TCAF2: variants seen among roughly 807,000 people sequenced by gnomAD.
The protein encoded by TCAF2 is TRPM8 channel associated factor 2, also known as TRPM8 channel-associated factor 2.
TCAF2 carries 6 observed loss-of-function variants against 33.9 expected under a neutral mutation model. The ratio of observed to expected loss-of-function variants is 0.18; its 90% CI spans 0.10 to 0.35. TCAF2 has a LOEUF of 0.35. Ranked by LOEUF, TCAF2 falls within the 10% of genes least tolerant of loss-of-function variation. The probability of loss-of-function intolerance (pLI) is 1.00; values close to 1 mark genes in which losing one functional copy is unlikely to be tolerated. For missense variants in TCAF2, 109 were observed against 604.0 expected, an observed-to-expected ratio of 0.18 and a Z score of 8.59; for synonymous variants, 41 against 247.8, an observed-to-expected ratio of 0.17 and a Z score of 7.84.
At chr7:143,634,932 G>A (rs1354475508) in intron 1 of TCAF2, among the ~76,000 whole-genome samples, 2 of 136,204 alleles carry the variant, frequency 1.5e-5, no homozygotes, top group Non-Finnish European at 3.1e-5. Context: ...AGTGTTGGGG[G>A]CTGCAGGTCT....
intron 1 of TCAF2, among the ~76,000 whole-genome samples, chr7:143,701,566 A>T (rs1026324116): frequency 3.0e-5 from 1 of 33,210 alleles, no homozygotes; most frequent in Non-Finnish European, 5.9e-5. Flanking sequence ...GGCTCGTCAG[A>T]GACGCGCAAA....
chr7:143,729,191 A>T lies in TCAF2; in HGVS notation c.*1524A>T, dbSNP rs1437833966. ...GTGAGTGATTTAATGTTATCTTCCCAGCAGACCTCTGAGGTAGGTACTAGT... is the reference window on the plus strand; with the variant it reads ...GTGAGTGATTTAATGTTATCTTCCCTGCAGACCTCTGAGGTAGGTACTAGT... On this transcript the variant is annotated 3_prime_UTR_variant, in exon 8 of 8. Coordinates refer to ENST00000684770, the MANE Select transcript of TCAF2 (RefSeq NM_001363538.2). 6.6e-6 allele frequency: 1 copy of T among 152,154 alleles called. No individual in the cohort carries two copies. Among genetic ancestry groups the T allele is most frequent in the African/African-American group, 2.4e-5 (1 of 41,438 alleles). The allele number at this position is 152,154 out of a possible 1,614,324, so 9.4% of individuals were successfully genotyped here. A position where few individuals can be genotyped will look rare whatever the true frequency, so the allele number is the denominator to read the frequency against.
intron 1 of TCAF2, among the ~76,000 whole-genome samples, chr7:143,648,489 C>T (rs1267487039): frequency 5.0e-5 from 7 of 140,498 alleles, no homozygotes; most frequent in Admixed American, 3.2e-4. Context: ...ATGAATTTCT[C>T]GATCTAACTT....
At chr7:143,725,625 T>C (rs1809661900) in intron 7 of TCAF2, among the ~76,000 whole-genome samples, 1 of 130,754 alleles carries the variant, frequency 7.6e-6, no homozygotes, top group Admixed American at 8.4e-5. Context: ...GAAGAGTGAA[T>C]GTGAGACAGT....
At chr7:143,718,520 A>C (rs1809404719) in intron 2 of TCAF2, among the ~76,000 whole-genome samples, 1 of 152,002 alleles carries the variant, frequency 6.6e-6, no homozygotes, top group Non-Finnish European at 1.5e-5. Context: ...ATTTATTTTA[A>C]TCACTATATG....
rs1329528338 is a variant in TCAF2, at chr7:143,701,872, T to C, written c.-11-1112T>C. Among the ~76,000 whole-genome samples the C allele has an allele frequency of 2.1e-4, 19 of 90,356 alleles. No individual in the cohort carries two copies. The East Asian group carries it at 5.0e-3, about 24-fold the overall frequency. The allele number at this position is 90,356 out of a possible 152,430, so 59.3% of individuals were successfully genotyped here. ...TTCTCTCGCACAGGCTAGAGTCCAC[T>C]GGTGCGATATCGGCTCACTGCAACC... On this transcript the variant is annotated intron_variant, in intron 1 of 7. Transcript: ENST00000684770.
At chr7:143,725,101 CTGAG>C (rs1809647588) in intron 7 of TCAF2, 1 of 183,032 alleles carries the variant, frequency 5.5e-6, no homozygotes, top group Non-Finnish European at 9.9e-6. Flanking sequence ...TTTATTTCAC[CTGAG>C]TTTTATGAGT....
intron 1 of TCAF2, among the ~76,000 whole-genome samples, chr7:143,702,068 G>A (rs1215001214): frequency 1.4e-4 from 3 of 21,530 alleles, no homozygotes; most frequent in East Asian, 8.1e-4. Context: ...GTGATCCACC[G>A]GCCTCGGCCT....
chr7:143,701,766 A>AC (rs1487516225), intron 1 of TCAF2, among the ~76,000 whole-genome samples: 6 of 16,082 alleles, frequency 3.7e-4, no homozygotes, highest in Admixed American at 6.2e-4. Flanking sequence ...ATTTTACTTT[A>AC]TTTTATTTTA....
rs530770456 is a variant in TCAF2, at chr7:143,724,590, G to C, written c.2398G>C (p.Glu800Gln). 6.2e-7 allele frequency: 1 copy of C among 1,610,868 alleles called. No individual in the cohort carries two copies. The highest frequency in any genetic ancestry group is 8.5e-7 in the Non-Finnish European group (1 of 1,179,584). The change falls in exon 7 of 8, where the codon GAG (glutamate) becomes CAG (glutamine). Residue 800 changes from glutamate (E) to glutamine (Q), a missense_variant. Transcript: ENST00000684770. ...GGGGATCCCCAGGGCTCAGGCCCAC[G>C]AGGCTCTGAGCCCTCCAGAGCGAGA... ...VLGIPRAQAH[E>Q]ALSPPERERR...
Position 143,729,608 on chromosome 7 carries a change from TTTTCA to T in TCAF2, c.*1945_*1949del, listed in dbSNP as rs2116542638. The T allele has an allele frequency of 6.6e-6, 1 of 152,274 alleles. No homozygotes were observed. Among genetic ancestry groups the T allele is most frequent in the African/African-American group, 2.4e-5 (1 of 41,546 alleles). 9.4% of individuals were successfully genotyped at this position (152,274 alleles called of 1,614,324 possible). On this transcript the variant is annotated 3_prime_UTR_variant, in exon 8 of 8. Transcript: ENST00000684770. Reference sequence around the variant, plus strand: ...CTCCAGAACTGATGTTCTTTTTTTTTTTTCATTTAAGTTCTGGGATACATGTGCAG... The same window carrying T: ...CTCCAGAACTGATGTTCTTTTTTTTTTTTAAGTTCTGGGATACATGTGCAG...
intron 7 of TCAF2, among the ~76,000 whole-genome samples, chr7:143,725,523 C>T (rs554250813): frequency 2.0e-5 from 3 of 151,224 alleles, no homozygotes; most frequent in African/African-American, 7.3e-5. Context: ...AAGTGAAGGA[C>T]CTAGAACTTA....
intron 2 of TCAF2, 84 bp from the exon 3 acceptor site, chr7:143,719,599 G>A (rs1809454036): frequency 3.2e-6 from 2 of 625,298 alleles, no homozygotes; most frequent in East Asian, 2.8e-5. Flanking sequence ...CTTCTTACCT[G>A]CACATAGATT....
chr7:143,724,985 CTG>C (rs1809642735), intron 7 of TCAF2: 1 of 724,806 alleles, frequency 1.4e-6, no homozygotes, highest in African/African-American at 2.3e-5. Context: ...GGCAGAAACT[CTG>C]TTAGACATTC....
At position 143,728,918 on chromosome 7, in the gene TCAF2, C is replaced by A. The variant is rs1809748359; in HGVS notation, c.*1251C>A. 1.3e-5 allele frequency: 2 copies of A among 152,130 alleles called. No individual in the cohort carries two copies. The highest frequency in any genetic ancestry group is 1.3e-4 in the Admixed American group (2 of 15,280). The allele number at this position is 152,130 out of a possible 1,614,324, so 9.4% of individuals were successfully genotyped here. On this transcript the variant is annotated 3_prime_UTR_variant, in exon 8 of 8. Coordinates refer to ENST00000684770, the MANE Select transcript of TCAF2 (RefSeq NM_001363538.2). ...TTTGTTTTGAATATCATTCCTTAGG[C>A]TATGTTGAGAGTAGAGTGGCTTCCC...
chr7:143,621,056 G>A lies in TCAF2; in HGVS notation c.-12+36G>A, dbSNP rs757151900. The A allele has an allele frequency of 1.3e-5, 2 of 158,198 alleles. 1 individual carries two copies. The highest frequency in any genetic ancestry group is 8.7e-5 in the South Asian group (2 of 22,928). The allele number at this position is 158,198 out of a possible 1,614,324, so 9.8% of individuals were successfully genotyped here. A position where few individuals can be genotyped will look rare whatever the true frequency, so the allele number is the denominator to read the frequency against. On this transcript the variant is annotated intron_variant, in intron 1 of 7. Transcript: ENST00000684770. ...CAATCCCAGCGGGTCCTGGGGTGGG[G>A]GCGGTAGCTGAGCACCTAGGGCACT...
intron 1 of TCAF2, among the ~76,000 whole-genome samples, chr7:143,649,330 C>G: frequency 1.2e-5 from 1 of 86,188 alleles, no homozygotes; most frequent in Non-Finnish European, 2.5e-5. Context: ...TGTTGGAACT[C>G]AAGATATTTT....
intron 7 of TCAF2, 109 bp downstream of exon 7, chr7:143,724,806 T>C: frequency 6.4e-7 from 1 of 1,571,124 alleles, no homozygotes; most frequent in Non-Finnish European, 8.6e-7. Context: ...AGCCTGGACC[T>C]CCACCTCCCC....
rs549355351 is a variant in TCAF2 at position 143,729,641 on chromosome 7, C to T, written c.*1974C>T. On this transcript the variant is annotated 3_prime_UTR_variant, in exon 8 of 8. Transcript: ENST00000684770. ...TAAGTTCTGGGATACATGTGCAGAA[C>T]GTGCAGGTTTGTTACATAGGTATAC... 1.3e-5 allele frequency: 2 copies of T among 151,698 alleles called. No homozygotes were observed. The highest frequency in any genetic ancestry group is 4.8e-5 in the African/African-American group (2 of 41,300). The allele number at this position is 151,698 out of a possible 1,614,324, so 9.4% of individuals were successfully genotyped here.
Sources: allele counts gnomAD v4.1 joint callset (sites outside exome capture counted in the v4.1 genomes callset), GRCh38; gene constraint gnomAD v4.1.1; transcripts MANE v1.5; gene names NCBI Gene and HGNC (gene_info 2026-07-23, HGNC 2026-07-21).